The following CCDC7 variants were observed in gnomAD, a reference collection of about 807,000 sequenced individuals.
CCDC7 encodes coiled-coil domain containing 7.
A neutral mutation model predicts 196.9 loss-of-function variants in CCDC7; 183 were observed. The observed-to-expected ratio is 0.93, with a 90% CI of 0.82 to 1.05. The LOEUF (loss-of-function observed/expected upper bound fraction) is 1.05, where lower values mean the gene tolerates loss of function less well. CCDC7 is among the 50% of genes least tolerant of loss of function. CCDC7 has a pLI of 0.00. For missense variants in CCDC7, 1,540 were observed against 1,482.2 expected (o/e 1.04, Z -0.64); for synonymous variants, 525 against 484.6 (o/e 1.08, Z -1.10).
intron 28 of CCDC7, among the ~76,000 whole-genome samples, chr10:32,774,624 T>A (rs1324645298): frequency 6.6e-6 from 1 of 152,210 alleles, no homozygotes; most frequent in Non-Finnish European, 1.5e-5. Context: ...TTCTTGTCTT[T>A]GAATAATTTC....
Position 32,871,895 on chromosome 10 carries a change from A to G in CCDC7, c.4112-4452A>G, listed in dbSNP as rs1340339521. The stretch of plus-strand genomic sequence containing the variant: ...TTCAGGAGCAGGTTGTTCAGTTTCC[A>G]TGTCCTTGAGCGGTTTTGAGTGAGT... On this transcript the variant is annotated intron_variant, in intron 41 of 41. Coordinates refer to ENST00000639629, the Ensembl canonical transcript of CCDC7. 3.9e-5 allele frequency among the ~76,000 whole-genome samples: 6 copies of G among 152,140 alleles called. No homozygotes were observed. The South Asian group carries it at 1.0e-3, about 26-fold the overall frequency.
chr10:32,493,685 G>T (rs2990983), intron 9 of CCDC7, among the ~76,000 whole-genome samples: 120,109 of 151,940 alleles, frequency 0.79, 49,237 homozygotes, highest in Non-Finnish European at 0.9. Flanking sequence ...TTTCTCCACA[G>T]TCTTGCCAGT....
At chr10:32,861,115 C>CAAAAAAAAAAAAAA (rs142801821) in intron 41 of CCDC7, among the ~76,000 whole-genome samples, 14 of 97,116 alleles carry the variant, frequency 1.4e-4, no homozygotes, top group Non-Finnish European at 2.4e-4. Flanking sequence ...CAATCATAAG[C>CAAAAAAAAAAAAAA]AAAAAAAAAA....
intron 29 of CCDC7, among the ~76,000 whole-genome samples, chr10:32,786,952 A>G (rs2081986504): frequency 6.6e-6 from 1 of 152,220 alleles, no homozygotes; most frequent in African/African-American, 2.4e-5. Flanking sequence ...GAGAGATTCA[A>G]CAGCAGATCT....
chr10:32,772,900 A>G lies in CCDC7; in HGVS notation c.2906-6077A>G, dbSNP rs555309684. Among the ~76,000 whole-genome samples the G allele has an allele frequency of 7.8e-4, 119 of 152,262 alleles. 2 individuals carry two copies. Among genetic ancestry groups the G allele is most frequent in the Non-Finnish European group, 2.4e-4 (16 of 68,030 alleles). The stretch of plus-strand genomic sequence containing the variant: ...TCACCTGACTCGCAGTGTAGGCTGC[A>G]GCCTTTTGCTTCTTTCAAAGGGTCC... On this transcript the variant is annotated intron_variant, in intron 28 of 41. Coordinates refer to ENST00000639629, the Ensembl canonical transcript of CCDC7.
intron 25 of CCDC7, among the ~76,000 whole-genome samples, chr10:32,713,541 A>G (rs1299620548): frequency 6.6e-6 from 1 of 152,262 alleles, no homozygotes; most frequent in Non-Finnish European, 1.5e-5. Context: ...TCCTTCATCA[A>G]GGAAGCAAAC....
At chr10:32,564,106 A>G (rs1281581593) in intron 13 of CCDC7, among the ~76,000 whole-genome samples, 3 of 152,218 alleles carry the variant, frequency 2.0e-5, no homozygotes, top group Admixed American at 1.3e-4. Context: ...ATGAGATACC[A>G]TCTCACACCA....
intron 20 of CCDC7, among the ~76,000 whole-genome samples, chr10:32,659,654 TA>T (rs1024763615): frequency 1.7e-4 from 26 of 151,922 alleles, no homozygotes; most frequent in Admixed American, 5.2e-4. Flanking sequence ...ACAACCCCAT[TA>T]AAAAGTGGGC....
At chr10:32,594,534 C>T (rs1013077719) in intron 18 of CCDC7, among the ~76,000 whole-genome samples, 3 of 152,092 alleles carry the variant, frequency 2.0e-5, no homozygotes, top group African/African-American at 7.2e-5. Context: ...AATTGAATAC[C>T]CTTTATTTCT....
intron 28 of CCDC7, among the ~76,000 whole-genome samples, chr10:32,773,023 G>A (rs951091991): frequency 1.3e-5 from 2 of 152,038 alleles, no homozygotes; most frequent in Non-Finnish European, 2.9e-5. Context: ...TGATCTCCAG[G>A]GTTTCTGCTG....
chr10:32,735,771 T>C (rs924780058), intron 28 of CCDC7, among the ~76,000 whole-genome samples: 1 of 152,222 alleles, frequency 6.6e-6, no homozygotes, highest in Non-Finnish European at 1.5e-5. Flanking sequence ...ACTTGTTCCT[T>C]TGTGTCTTCT....
intron 21 of CCDC7, among the ~76,000 whole-genome samples, chr10:32,670,638 G>T (rs567097806): frequency 6.7e-6 from 1 of 148,158 alleles, no homozygotes; most frequent in Non-Finnish European, 1.5e-5. Context: ...GAGAATATGC[G>T]GTGTCTGGTT....
chr10:32,564,820 C>G (rs1270714822), intron 13 of CCDC7, among the ~76,000 whole-genome samples: 1 of 151,744 alleles, frequency 6.6e-6, no homozygotes, highest in Admixed American at 6.6e-5. Flanking sequence ...AAGAATCTAC[C>G]TACACTTGGC....
chr10:32,527,160 C>T (rs916250883), intron 11 of CCDC7, among the ~76,000 whole-genome samples: 2 of 152,104 alleles, frequency 1.3e-5, no homozygotes, highest in East Asian at 1.9e-4. Flanking sequence ...TGGCTGAGCC[C>T]AGCATGGCTT....
intron 9 of CCDC7, among the ~76,000 whole-genome samples, chr10:32,510,693 C>A (rs1210266375): frequency 6.6e-6 from 1 of 152,046 alleles, no homozygotes; most frequent in Non-Finnish European, 1.5e-5. Flanking sequence ...CATCAACATA[C>A]AACCTTATTT....
Position 32,565,542 on chromosome 10 carries a change from CCTTCTTA to C in CCDC7, c.1135-11_1135-5del, listed in dbSNP as rs1564671688. 2.5e-6 allele frequency: 4 copies of C among 1,601,880 alleles called. No individual in the cohort carries two copies. The highest frequency in any genetic ancestry group is 1.7e-5 in the Admixed American group (1 of 57,370). On this transcript the variant is annotated splice_polypyrimidine_tract_variant and intron_variant, in intron 13 of 41. Coordinates refer to ENST00000639629, the Ensembl canonical transcript of CCDC7. ...TACCAAAGTAAATACCTTTTTTCCC[CCTTCTTA>C]CTTCCTAGAAAGTAGCACGTCTGGA...
chr10:32,692,151 T>C (rs2077161889), intron 23 of CCDC7, among the ~76,000 whole-genome samples: 2 of 152,340 alleles, frequency 1.3e-5, no homozygotes, highest in East Asian at 3.9e-4. Context: ...AATAACTGAC[T>C]GCATTACAGG....
At chr10:32,483,739 T>G (rs1418107002) in intron 8 of CCDC7, among the ~76,000 whole-genome samples, 1 of 152,240 alleles carries the variant, frequency 6.6e-6, no homozygotes, top group Admixed American at 6.5e-5. Context: ...CCAGCACCGT[T>G]TATTAACTAG....
At chr10:32,571,872 G>T in exon 16 of CCDC7, 2 of 1,570,698 alleles carry the variant, frequency 1.3e-6, no homozygotes, top group South Asian at 1.2e-5. Flanking sequence ...ACTGCCCAAA[G>T]CGGAAGACTG....
Sources: gnomAD v4.1 joint callset for allele counts (sites outside exome capture counted in the v4.1 genomes callset) on GRCh38, gnomAD v4.1.1 for gene constraint, MANE v1.5 for transcripts, NCBI Gene and HGNC (gene_info 2026-07-23, HGNC 2026-07-21) for gene names.